PPARGC1A: variants seen among roughly 807,000 people sequenced by gnomAD.
PPARGC1A encodes the protein peroxisome proliferator-activated receptor gamma coactivator 1-alpha.
In PPARGC1A, 25 loss-of-function variants were observed where a neutral mutation model predicts 88.7. The observed-to-expected ratio is 0.28, with a 90% CI of 0.21 to 0.39. PPARGC1A has a LOEUF of 0.39. Ranked by LOEUF, PPARGC1A falls within the 10% of genes least tolerant of loss-of-function variation. The pLI is 1.00. For synonymous variants in PPARGC1A, 363 were observed against 355.6 expected, an observed-to-expected ratio of 1.02 and a Z score of -0.24; for missense variants, 880 against 968.7, an observed-to-expected ratio of 0.91 and a Z score of 1.22.
the PPARGC1A span, among the ~76,000 whole-genome samples, chr4:24,037,655 C>A: frequency 6.6e-6 from 1 of 152,162 alleles, no homozygotes. Flanking sequence ...GACAGATTTC[C>A]AATAACATAA....
chr4:24,411,338 T>A, the PPARGC1A span, among the ~76,000 whole-genome samples: 2 of 152,226 alleles, frequency 1.3e-5, no homozygotes, highest in African/African-American at 4.8e-5. Context: ...CAGGTATCAC[T>A]AACATTATTT....
At chr4:24,423,409 C>A in the PPARGC1A span, among the ~76,000 whole-genome samples, 22 of 152,118 alleles carry the variant, frequency 1.4e-4, no homozygotes, top group African/African-American at 4.6e-4. Context: ...GAGAATATGA[C>A]CATTCAGTTC....
At chr4:24,333,193 G>A in the PPARGC1A span, among the ~76,000 whole-genome samples, 1 of 152,102 alleles carries the variant, frequency 6.6e-6, no homozygotes, top group African/African-American at 2.4e-5. Context: ...ACACTGAGCT[G>A]AGATTGTGCT....
chr4:23,945,580 A>T, the PPARGC1A span, among the ~76,000 whole-genome samples: 6 of 152,298 alleles, frequency 3.9e-5, no homozygotes, highest in East Asian at 1.2e-3. Context: ...AGGCTCTGAG[A>T]TGACAGCTGG....
the PPARGC1A span, among the ~76,000 whole-genome samples, chr4:24,319,220 G>C: frequency 2.0e-5 from 3 of 152,112 alleles, no homozygotes; most frequent in East Asian, 5.8e-4. Flanking sequence ...GTGCATGCCT[G>C]TCGTCCCAGC....
chr4:24,144,868 G>T, the PPARGC1A span, among the ~76,000 whole-genome samples: 1 of 151,648 alleles, frequency 6.6e-6, no homozygotes. Flanking sequence ...TTGGTATTTT[G>T]TATCTCAGCC....
At chr4:24,058,409 T>C in the PPARGC1A span, among the ~76,000 whole-genome samples, 1 of 152,194 alleles carries the variant, frequency 6.6e-6, no homozygotes, top group Admixed American at 6.5e-5. Flanking sequence ...GCATGATCCC[T>C]GGCAGAGGAC....
the PPARGC1A span, among the ~76,000 whole-genome samples, chr4:24,433,361 G>A: frequency 7.7e-4 from 117 of 152,012 alleles, 1 homozygote; most frequent in Middle Eastern, 3.4e-3. Context: ...TTCGCTCTGG[G>A]GGGGACAGGC....
At chr4:24,185,024 G>A in the PPARGC1A span, among the ~76,000 whole-genome samples, 1 of 152,154 alleles carries the variant, frequency 6.6e-6, no homozygotes, top group Non-Finnish European at 1.5e-5. Context: ...CGGTATAACA[G>A]GTGGAGAGGC....
the PPARGC1A span, among the ~76,000 whole-genome samples, chr4:24,339,440 C>T: frequency 1.1e-4 from 16 of 151,902 alleles, no homozygotes; most frequent in East Asian, 2.9e-3. Context: ...AGGAATTCAT[C>T]ACCTTTTTCC....
At chr4:23,918,198 C>A in the PPARGC1A span, among the ~76,000 whole-genome samples, 1 of 151,504 alleles carries the variant, frequency 6.6e-6, no homozygotes, top group East Asian at 1.9e-4. Flanking sequence ...AGGTCCGACA[C>A]AACAAAAATA....
chr4:24,062,669 G>A, the PPARGC1A span, among the ~76,000 whole-genome samples: 1 of 152,194 alleles, frequency 6.6e-6, no homozygotes, highest in Non-Finnish European at 1.5e-5. Context: ...AGCTTTACAA[G>A]TGGCTAGAAA....
the PPARGC1A span, among the ~76,000 whole-genome samples, chr4:24,404,136 A>G: frequency 5.3e-5 from 8 of 151,990 alleles, no homozygotes; most frequent in South Asian, 1.3e-3. Context: ...GGTGGCACAC[A>G]CCTGTAATCC....
the PPARGC1A span, among the ~76,000 whole-genome samples, chr4:24,278,978 A>T: frequency 0.054 from 8,128 of 151,824 alleles, 257 homozygotes; most frequent in Middle Eastern, 0.095. Flanking sequence ...CACAGCAAAA[A>T]TACTAAATAG....
the PPARGC1A span, among the ~76,000 whole-genome samples, chr4:24,339,221 TATATATATATATATATACACAC>T: frequency 2.2e-4 from 12 of 55,238 alleles, no homozygotes; most frequent in South Asian, 6.2e-4. Context: ...TGTATATATA[TATATATATATATATATACACAC>T]ACACACACAC....
At chr4:24,179,480 T>TTC in the PPARGC1A span, among the ~76,000 whole-genome samples, 751 of 151,572 alleles carry the variant, frequency 5.0e-3, 30 homozygotes, top group East Asian at 0.097. Flanking sequence ...CTCTTCCATG[T>TTC]TCTCTCTCTC....
At chr4:24,266,941 GCTTCAGTTTCCTCAAGTA>G in the PPARGC1A span, among the ~76,000 whole-genome samples, 1 of 152,126 alleles carries the variant, frequency 6.6e-6, no homozygotes, top group Non-Finnish European at 1.5e-5. Context: ...AGAATGGTCT[GCTTCAGTTTCCTCAAGTA>G]CTTTTTTCCC....
chr4:23,855,697 G>A (rs1470461106), intron 2 of PPARGC1A, among the ~76,000 whole-genome samples: 2 of 152,156 alleles, frequency 1.3e-5, no homozygotes, highest in Admixed American at 6.5e-5. Flanking sequence ...CTCATCCCAT[G>A]GGAGAGACAG....
intron 2 of PPARGC1A, among the ~76,000 whole-genome samples, chr4:23,846,692 G>C (rs1049323443): frequency 6.6e-6 from 1 of 152,082 alleles, no homozygotes; most frequent in Non-Finnish European, 1.5e-5. Context: ...TCTTGACACT[G>C]GGGATATAGC....
Sources: allele counts gnomAD v4.1 joint callset (sites outside exome capture counted in the v4.1 genomes callset), GRCh38; gene constraint gnomAD v4.1.1; transcripts MANE v1.5; gene names NCBI Gene and HGNC (gene_info 2026-07-23, HGNC 2026-07-21).